The following APMAP variants were observed in gnomAD, a reference collection of about 807,000 sequenced individuals.
The protein encoded by APMAP is adipocyte plasma membrane associated protein, also known as adipocyte plasma membrane-associated protein.
Under a neutral mutation model 43.6 loss-of-function variants are expected in APMAP, and 33 were observed. The ratio of observed to expected loss-of-function variants is 0.76; its 90% confidence interval spans 0.57 to 1.01. The LOEUF is 1.01. APMAP is among the 50% of genes least tolerant of loss of function. The probability of loss-of-function intolerance (pLI) is 0.00; values close to 1 mark genes in which losing one functional copy is unlikely to be tolerated. For synonymous variants in APMAP, 224 were observed against 216.7 expected, an observed-to-expected ratio of 1.03 and a Z score of -0.30; for missense variants, 498 against 540.7, an observed-to-expected ratio of 0.92 and a Z score of 0.78.
Position 24,964,035 on chromosome 20 carries a change from A to T in APMAP, c.1042-13T>A. 6.2e-7 allele frequency: 1 copy of T among 1,613,786 alleles called. No homozygotes were observed. The highest frequency in any genetic ancestry group is 8.5e-7 in the Non-Finnish European group (1 of 1,179,736). ...CTTGACTAAAGAGCTAGAGGGAAGC[A>T]CAGTGCAGGGAAAGTTCACCAGCTG... is the stretch of plus-strand genomic sequence containing the variant. On this transcript the variant is annotated splice_polypyrimidine_tract_variant and intron_variant, in intron 8 of 8. Coordinates refer to ENST00000217456, the MANE Select transcript of APMAP (RefSeq NM_020531.3).
chr20:24,982,224 C>A (rs2088110751), intron 2 of APMAP, among the ~76,000 whole-genome samples: 1 of 148,066 alleles, frequency 6.8e-6, no homozygotes, highest in Non-Finnish European at 1.5e-5. Context: ...GACAGTTCCA[C>A]TGCCATTCCA....
chr20:24,988,089 C>T (rs1390158506), intron 1 of APMAP, among the ~76,000 whole-genome samples: 2 of 152,216 alleles, frequency 1.3e-5, no homozygotes, highest in African/African-American at 4.8e-5. Context: ...CAGGGACTGC[C>T]TGCCTTAAAG....
In APMAP at chr20:24,969,535, C is replaced by T. The variant is rs775685510; in HGVS notation, c.839G>A (p.Arg280Lys). 3.1e-6 allele frequency: 5 copies of T among 1,611,762 alleles called. No individual in the cohort carries two copies. In the Admixed American group the frequency reaches 6.7e-5, roughly 22 times the overall value. ...CTAATCCCACACACACCTTCGTATC[C>T]TGGCCATGGTTGTTTCTGCCACCAG... ...FVLVAETTMA[R>K]IRRVYVSGLM... Residue 280 changes from arginine (R) to lysine (K), a missense_variant, in exon 7 of 9, where the codon AGG (arginine) becomes AAG (lysine). Physicochemically the swap from Arg to Lys is conservative, Grantham distance 26 (BLOSUM62 2). Transcript: ENST00000217456.
rs1255488742 is a variant in APMAP, at chr20:24,992,593, C to T, written c.95+1G>A. The T allele has an allele frequency of 1.3e-6, 2 of 1,544,098 alleles. No individual in the cohort carries two copies. Among genetic ancestry groups the T allele is most frequent in the South Asian group, 1.2e-5 (1 of 83,346 alleles). ...GCGCCCAGTCTGGGAGTCCGCCCTA[C>T]CTGCCGTCCTTAGCCTCCGGGGCCT... On this transcript the variant is annotated splice_donor_variant, in intron 1 of 8. Transcript: ENST00000217456. LOFTEE classifies it high-confidence loss of function.
chr20:24,969,943 G>A (rs1479424063), intron 6 of APMAP, among the ~76,000 whole-genome samples: 12 of 152,228 alleles, frequency 7.9e-5, no homozygotes, highest in African/African-American at 1.9e-4. Flanking sequence ...GCCTGCCTCC[G>A]GGGTCTCTCT....
chr20:24,982,050 T>C (rs1600288211), intron 2 of APMAP, among the ~76,000 whole-genome samples: 1 of 152,364 alleles, frequency 6.6e-6, no homozygotes, highest in Non-Finnish European at 1.5e-5. Flanking sequence ...TCTTCCTGTT[T>C]TTGAGTGTGC....
chr20:24,968,998 C>T lies in APMAP; in HGVS notation c.935G>A (p.Ser312Asn), dbSNP rs745691943. 1 of 1,613,998 alleles carries T rather than the reference C, an allele frequency of 6.2e-7. No homozygotes were observed. Among genetic ancestry groups the T allele is most frequent in the Non-Finnish European group, 8.5e-7 (1 of 1,179,976 alleles). ...CATGCCCACCCAGTACCCCCCAGAG[C>T]TGCTGGGCCGGATGTTGTCTGGAAA... ...PGFPDNIRPS[S>N]SGGYWVGMST... Residue 312 changes from serine (S) to asparagine (N), a missense_variant, in exon 8 of 9, where the codon AGC becomes AAC. Transcript: ENST00000217456.
rs577249009 is a variant in APMAP at position 24,965,143 on chromosome 20, T to A, written c.1042-1121A>T. Among the ~76,000 whole-genome samples, 4 of 152,290 alleles carry A rather than the reference T, an allele frequency of 2.6e-5. No homozygotes were observed. In the East Asian group the frequency reaches 5.8e-4, roughly 22 times the overall value. On this transcript the variant is annotated intron_variant, in intron 8 of 8. Transcript: ENST00000217456. Reference sequence around the variant, plus strand: ...TCTGCCTGGCCTTTCTAATAGCACTTCAAATTCAACAGCCTCCCCAGCTCT... The same window carrying A: ...TCTGCCTGGCCTTTCTAATAGCACTACAAATTCAACAGCCTCCCCAGCTCT...
chr20:24,977,267 T>C (rs1027496383), intron 3 of APMAP, among the ~76,000 whole-genome samples: 1 of 152,268 alleles, frequency 6.6e-6, no homozygotes, highest in Non-Finnish European at 1.5e-5. Context: ...AGGCTGTGCA[T>C]GGCATGTGTG....
chr20:24,980,959 G>A (rs1230855047), intron 2 of APMAP, among the ~76,000 whole-genome samples: 2 of 152,224 alleles, frequency 1.3e-5, no homozygotes, highest in Non-Finnish European at 2.9e-5. Context: ...CTGATGGACG[G>A]GTGTTTGGGA....
chr20:24,964,169 T>C lies in APMAP; in HGVS notation c.1042-147A>G, dbSNP rs2087923150. On this transcript the variant is annotated intron_variant, in intron 8 of 8. Transcript: ENST00000217456. ...ACAGGGCAGTGCCCCACAGGACAGC[T>C]AATCCAGCTCCCACTCCCAGCCCAG... The C allele has an allele frequency of 4.5e-6, 4 of 879,552 alleles. No homozygotes were observed. The South Asian group carries it at 4.7e-5, about 10-fold the overall frequency. 54.5% of individuals were successfully genotyped at this position (879,552 alleles called of 1,614,324 possible).
intron 5 of APMAP, among the ~76,000 whole-genome samples, chr20:24,970,608 A>G (rs2087990497): frequency 6.6e-6 from 1 of 152,212 alleles, no homozygotes; most frequent in African/African-American, 2.4e-5. Context: ...TTCTTTTACT[A>G]AGGCCAACTG....
chr20:24,969,367 A>G (rs2087977455), intron 7 of APMAP, among the ~76,000 whole-genome samples, 159 bp downstream of exon 7: 1 of 152,170 alleles, frequency 6.6e-6, no homozygotes. Context: ...GCGACTCGCA[A>G]TGGGAGAAAG....
intron 3 of APMAP, among the ~76,000 whole-genome samples, chr20:24,977,517 C>T (rs2088060230): frequency 6.6e-6 from 1 of 152,206 alleles, no homozygotes; most frequent in African/African-American, 2.4e-5. Flanking sequence ...AGGACAGCTT[C>T]CAAATGAGGT....
At chr20:24,970,756 C>T (rs1000053456) in intron 5 of APMAP, among the ~76,000 whole-genome samples, 2 of 152,158 alleles carry the variant, frequency 1.3e-5, no homozygotes, top group Admixed American at 1.3e-4. Context: ...ATAGAAAGAA[C>T]ATGGATTGAG....
chr20:24,992,158 C>A (rs534273130), intron 1 of APMAP, among the ~76,000 whole-genome samples: 2 of 152,322 alleles, frequency 1.3e-5, no homozygotes, highest in Admixed American at 6.5e-5. Context: ...CGGGAAATTG[C>A]GAGCGGGGAA....
chr20:24,963,833 GTC>G lies in APMAP; in HGVS notation c.1229_1230del (p.Arg410ThrfsTer47). The G allele has an allele frequency of 2.5e-6, 4 of 1,614,210 alleles. No individual in the cohort carries two copies. The highest frequency in any genetic ancestry group is 3.4e-6 in the Non-Finnish European group (4 of 1,180,038). ...LGSFRSPFLCRLSLQAV is the reference protein window; with the variant it reads ...LGSFRSPFLCXLSLQAV ...GAGGGCTAAACAGCCTGGAGGCTGA[GTC>G]TGCAGAGGAAGGGGGACCTGAAAGA... On this transcript the variant is annotated frameshift_variant, in exon 9 of 9. Coordinates refer to ENST00000217456, the MANE Select transcript of APMAP (RefSeq NM_020531.3). LOFTEE classifies it high-confidence loss of function.
At chr20:24,969,490 G>T (rs2087979075) in intron 7 of APMAP, 36 bp downstream of exon 7, 1 of 1,586,506 alleles carries the variant, frequency 6.3e-7, no homozygotes, top group Non-Finnish European at 8.6e-7. Context: ...ATGCGCTCTG[G>T]CCAGTAACTG....
intron 8 of APMAP, among the ~76,000 whole-genome samples, chr20:24,967,943 C>G (rs1218489967): frequency 6.6e-6 from 1 of 152,234 alleles, no homozygotes; most frequent in East Asian, 1.9e-4. Flanking sequence ...GCCAGTCTAA[C>G]TGAGAATGTG....
Sources: allele counts gnomAD v4.1 joint callset (sites outside exome capture counted in the v4.1 genomes callset), GRCh38; gene constraint gnomAD v4.1.1; transcripts MANE v1.5; gene names NCBI Gene and HGNC (gene_info 2026-07-23, HGNC 2026-07-21).